Variants in SFMBT2 observed in about 807,000 individuals in gnomAD.
SFMBT2 encodes the protein scm-like with four MBT domains protein 2.
A neutral mutation model predicts 110.1 loss-of-function variants in SFMBT2; 38 were observed. The observed-to-expected ratio is 0.35, with a 90% CI of 0.27 to 0.45. The LOEUF (loss-of-function observed/expected upper bound fraction) is 0.45. SFMBT2 is among the 20% of genes least tolerant of loss of function. The pLI is 1.00. For missense variants in SFMBT2, 1,011 were observed against 1,094.9 expected, an observed-to-expected ratio of 0.92 and a Z score of 1.08; for synonymous variants, 425 against 425.4, an observed-to-expected ratio of 1.00 and a Z score of 0.01.
chr10:7,362,169 T>C (rs1844742131), intron 4 of SFMBT2, among the ~76,000 whole-genome samples: 1 of 152,302 alleles, frequency 6.6e-6, no homozygotes, highest in South Asian at 2.1e-4. Context: ...TGTTCCTTAA[T>C]ACTTTTAATA....
rs898820334 is a variant in SFMBT2 at position 7,301,743 on chromosome 10, C to T, written c.437-15789G>A. 6.6e-6 allele frequency among the ~76,000 whole-genome samples: 1 copy of T among 152,148 alleles called. No homozygotes were observed. The highest frequency in any genetic ancestry group is 1.5e-5 in the Non-Finnish European group (1 of 68,028). Reference sequence around the variant, plus strand: ...CCCCAGAAGTCACCTAGTATGAGAGCCACGCCTCTCTACAGATGCTAGGAG... The same window carrying T: ...CCCCAGAAGTCACCTAGTATGAGAGTCACGCCTCTCTACAGATGCTAGGAG... On this transcript the variant is annotated intron_variant, in intron 4 of 20. Transcript: ENST00000397167. This position sits in a 1 kb window ranked among gnomAD's most constrained non-coding sequence, Gnocchi z 4.2.
At chr10:7,352,551 A>C (rs1844358097) in intron 4 of SFMBT2, among the ~76,000 whole-genome samples, 1 of 152,146 alleles carries the variant, frequency 6.6e-6, no homozygotes, top group African/African-American at 2.4e-5. Context: ...ACACATTTTT[A>C]AACTCAAAAG....
intron 2 of SFMBT2, among the ~76,000 whole-genome samples, chr10:7,375,318 G>A (rs568371660): frequency 6.6e-6 from 1 of 152,184 alleles, no homozygotes; most frequent in East Asian, 1.9e-4. Flanking sequence ...ATAAAATCTT[G>A]GGTTTGTACA....
At chr10:7,276,636 C>T (rs1841785039) in intron 7 of SFMBT2, among the ~76,000 whole-genome samples, 1 of 152,112 alleles carries the variant, frequency 6.6e-6, no homozygotes, top group African/African-American at 2.4e-5. Flanking sequence ...TCAAGCAATT[C>T]TCCTACCTCA....
intron 7 of SFMBT2, among the ~76,000 whole-genome samples, chr10:7,256,278 T>TA (rs1841004858): frequency 6.6e-6 from 1 of 152,184 alleles, no homozygotes; most frequent in South Asian, 2.1e-4. Context: ...AAAGGATTTT[T>TA]AAAAAATCAA....
chr10:7,393,522 T>A (rs1354493664), intron 1 of SFMBT2, among the ~76,000 whole-genome samples: 2 of 152,186 alleles, frequency 1.3e-5, no homozygotes, highest in Non-Finnish European at 2.9e-5. Context: ...CTAATGACTT[T>A]GTCGTCCCAG....
chr10:7,266,159 A>G (rs1841384233), intron 7 of SFMBT2, among the ~76,000 whole-genome samples: 1 of 151,620 alleles, frequency 6.6e-6, no homozygotes, highest in South Asian at 2.1e-4. Flanking sequence ...GCATGATCTC[A>G]GCTCACTGCA....
intron 4 of SFMBT2, among the ~76,000 whole-genome samples, chr10:7,339,974 A>G (rs937816694): frequency 6.6e-6 from 1 of 152,128 alleles, no homozygotes; most frequent in Non-Finnish European, 1.5e-5. Flanking sequence ...CATTACGCAA[A>G]TGAGTGCTTA....
intron 11 of SFMBT2, among the ~76,000 whole-genome samples, chr10:7,210,789 T>C (rs1001551997): frequency 6.6e-6 from 1 of 152,316 alleles, no homozygotes; most frequent in South Asian, 2.1e-4. Flanking sequence ...GGGTCAGCTC[T>C]GGAGCCGAAG....
chr10:7,214,644 G>A (rs1839471151), intron 11 of SFMBT2: 5 of 985,384 alleles, frequency 5.1e-6, no homozygotes, highest in Admixed American at 6.1e-5. Context: ...TGCCTTGCAC[G>A]TAAGTGCTGT....
chr10:7,284,934 A>G (rs949723971), intron 5 of SFMBT2: 1 of 152,354 alleles, frequency 6.6e-6, no homozygotes, highest in South Asian at 2.1e-4. Context: ...TTTGTTAATG[A>G]ACAATTAAAA....
chr10:7,204,633 G>A, intron 12 of SFMBT2: 3 of 416,004 alleles, frequency 7.2e-6, no homozygotes, highest in Non-Finnish European at 9.7e-6. Context: ...CAGCACTTTG[G>A]GAGGCCAAGG....
chr10:7,360,858 G>A (rs564713093), intron 4 of SFMBT2, among the ~76,000 whole-genome samples: 1 of 152,290 alleles, frequency 6.6e-6, no homozygotes, highest in South Asian at 2.1e-4. Flanking sequence ...TGCCTATTGA[G>A]AAAGGGTTAC....
At chr10:7,177,834 G>A (rs2131546451) in intron 16 of SFMBT2, among the ~76,000 whole-genome samples, 1 of 151,238 alleles carries the variant, frequency 6.6e-6, no homozygotes, top group East Asian at 2.0e-4. Context: ...CTCCAGCCTG[G>A]GCGACACAGT....
intron 7 of SFMBT2, among the ~76,000 whole-genome samples, chr10:7,266,178 C>T (rs1588399025): frequency 1.3e-5 from 2 of 152,124 alleles, no homozygotes; most frequent in Admixed American, 1.3e-4. Flanking sequence ...CAACCTCCGC[C>T]TCCCGGGTTC....
At chr10:7,402,075 T>C (rs1846096184) in intron 1 of SFMBT2, among the ~76,000 whole-genome samples, 2 of 148,912 alleles carry the variant, frequency 1.3e-5, no homozygotes, top group African/African-American at 5.0e-5. Context: ...TTCTGTTTGG[T>C]ACACAGGCAA....
At position 7,397,213 on chromosome 10, in the gene SFMBT2, G is replaced by A. The variant is rs542167062; in HGVS notation, c.-52+13648C>T. On this transcript the variant is annotated intron_variant, in intron 1 of 20. Coordinates refer to ENST00000397167, the MANE Select transcript of SFMBT2 (RefSeq NM_001387889.1). Reference sequence around the variant, plus strand: ...CCCCCCAGGCTCACTGCTGAGGAAGGACTCACTACAGTGAAAGCCACCAAT... The same window carrying A: ...CCCCCCAGGCTCACTGCTGAGGAAGAACTCACTACAGTGAAAGCCACCAAT... 5.3e-5 allele frequency among the ~76,000 whole-genome samples: 8 copies of A among 152,182 alleles called. No homozygotes were observed. In the South Asian group the frequency reaches 1.7e-3, roughly 32 times the overall value.
At chr10:7,198,294 G>T in intron 14 of SFMBT2, 1 of 265,764 alleles carries the variant, frequency 3.8e-6, no homozygotes, top group Non-Finnish European at 5.8e-6. Context: ...TCATTTAGCT[G>T]TCTAGTCTCT....
chr10:7,164,980 C>A (rs1168904677), intron 20 of SFMBT2, among the ~76,000 whole-genome samples: 2 of 152,182 alleles, frequency 1.3e-5, no homozygotes, highest in Non-Finnish European at 1.5e-5. Context: ...AAGACCCTTC[C>A]ACTGGACATC....
Sources: allele counts gnomAD v4.1 joint callset (sites outside exome capture counted in the v4.1 genomes callset), GRCh38; gene constraint gnomAD v4.1.1; non-coding constraint Gnocchi (gnomAD v3.1); transcripts MANE v1.5; gene names NCBI Gene and HGNC (gene_info 2026-07-23, HGNC 2026-07-21).